The following TBC1D30 variants were observed in gnomAD, a reference collection of about 807,000 sequenced individuals.
The protein encoded by TBC1D30 is TBC1 domain family, member 30.
In TBC1D30, 31 loss-of-function variants were observed where a neutral mutation model predicts 63.2. The observed-to-expected ratio is 0.49, with a 90% CI of 0.37 to 0.66. The LOEUF (loss-of-function observed/expected upper bound fraction) is 0.66. TBC1D30 is among the 30% of genes least tolerant of loss of function. The pLI is 0.00. For synonymous variants in TBC1D30, 307 were observed against 361.5 expected (o/e 0.85, Z 1.71); for missense variants, 810 against 953.6 (o/e 0.85, Z 1.98).
rs1388280604 is a variant in TBC1D30 at position 64,870,747 on chromosome 12, G to A, written c.1437G>A (p.Arg479=). ...CCACAGATATCAATGCACTGAAGCGGCAGTACTCTCGAATTAAAAAGAAGC... is the reference window on the plus strand; with the variant it reads ...CCACAGATATCAATGCACTGAAGCGACAGTACTCTCGAATTAAAAAGAAGC... The part of the protein sequence containing the change: ...RMTTDINALK[R]QYSRIKKKQQ... The change falls in exon 11 of 12, where the codon CGG becomes CGA. Residue 479 remains arginine, a synonymous_variant. Transcript: ENST00000539867. The A allele has an allele frequency of 5.2e-6, 8 of 1,536,074 alleles. No homozygotes were observed. In the Admixed American group the frequency reaches 1.6e-4, roughly 30 times the overall value.
At chr12:64,843,833 C>T (rs1214618137) in intron 8 of TBC1D30, among the ~76,000 whole-genome samples, 1 of 152,146 alleles carries the variant, frequency 6.6e-6, no homozygotes, top group Non-Finnish European at 1.5e-5. Flanking sequence ...ATTCTGTCAC[C>T]CTGGCTGGAG....
At chr12:64,761,838 A>G (rs569944620) in intron 1 of TBC1D30, among the ~76,000 whole-genome samples, 60 of 152,232 alleles carry the variant, frequency 3.9e-4, no homozygotes, top group Middle Eastern at 6.8e-3. Context: ...TCTTGTCCTG[A>G]ATTCTTCCTT....
At chr12:64,804,146 T>C (rs1203485814) in intron 2 of TBC1D30, among the ~76,000 whole-genome samples, 1 of 152,238 alleles carries the variant, frequency 6.6e-6, no homozygotes, top group Non-Finnish European at 1.5e-5. Flanking sequence ...CTTCCATTTG[T>C]TTGTGTCCTC....
intron 3 of TBC1D30, 51 bp from the exon 4 acceptor site, chr12:64,830,326 G>A (rs1874734329): frequency 6.8e-7 from 1 of 1,468,512 alleles, no homozygotes; most frequent in Non-Finnish European, 9.1e-7. Flanking sequence ...TAATAAAGGT[G>A]AAGTTATATA....
At chr12:64,874,678 G>T (rs940083234) in intron 11 of TBC1D30, among the ~76,000 whole-genome samples, 1 of 151,958 alleles carries the variant, frequency 6.6e-6, no homozygotes, top group Non-Finnish European at 1.5e-5. Context: ...TAACTCAGAG[G>T]TTGCTACTCA....
In TBC1D30 at chr12:64,877,287, C is replaced by T. The variant is rs540372175; in HGVS notation, c.*1499C>T. 1.2e-3 allele frequency: 192 copies of T among 158,754 alleles called. No homozygotes were observed. The highest frequency in any genetic ancestry group is 4.0e-3 in the African/African-American group (165 of 41,756). The allele number at this position is 158,754 out of a possible 1,614,324, so 9.8% of individuals were successfully genotyped here. A position where few individuals can be genotyped will look rare whatever the true frequency, so the allele number is the denominator to read the frequency against. ...AGCCTTCATGTTTGTCTCTGGAAGA[C>T]GATTGGCGATACTTGCAGGAATATT... On this transcript the variant is annotated 3_prime_UTR_variant, in exon 12 of 12. Transcript: ENST00000539867.
At chr12:64,818,754 G>A (rs1468013446) in intron 2 of TBC1D30, 1 of 152,314 alleles carries the variant, frequency 6.6e-6, no homozygotes, top group African/African-American at 2.4e-5. Flanking sequence ...AACTCTTTGA[G>A]GGTAGCGTAT....
At chr12:64,814,165 G>A (rs1873385888) in intron 2 of TBC1D30, among the ~76,000 whole-genome samples, 1 of 152,114 alleles carries the variant, frequency 6.6e-6, no homozygotes. Flanking sequence ...TCGTGCCTCA[G>A]CCACCTGAGT....
intron 6 of TBC1D30, 95 bp from the exon 7 acceptor site, chr12:64,838,588 C>A (rs1875571184): frequency 1.6e-6 from 2 of 1,240,968 alleles, no homozygotes; most frequent in South Asian, 1.7e-5. Context: ...GGAAATACAA[C>A]AAATTTGAGT....
chr12:64,790,770 A>G (rs753036674), intron 2 of TBC1D30, among the ~76,000 whole-genome samples: 3 of 152,324 alleles, frequency 2.0e-5, no homozygotes, highest in South Asian at 2.1e-4. Context: ...TTCTTTTCAT[A>G]ATGAGTGTCT....
At chr12:64,780,605 T>C (rs529152067) in exon 1 of TBC1D30, among the ~76,000 whole-genome samples, 1 of 152,308 alleles carries the variant, frequency 6.6e-6, no homozygotes, top group South Asian at 2.1e-4. Context: ...CGTGGCAGTC[T>C]CCTTCTCGCC....
chr12:64,791,918 T>A (rs1475163948), intron 2 of TBC1D30, among the ~76,000 whole-genome samples: 2 of 152,150 alleles, frequency 1.3e-5, no homozygotes, highest in Non-Finnish European at 2.9e-5. Flanking sequence ...ATCCAGCTTT[T>A]AAAATAACTA....
At position 64,855,862 on chromosome 12, in the gene TBC1D30, C is replaced by G. The variant is rs113860728; in HGVS notation, c.1039-8806C>G. 9.9e-5 allele frequency among the ~76,000 whole-genome samples: 15 copies of G among 152,228 alleles called. 1 individual carries two copies. The highest frequency in any genetic ancestry group is 3.6e-4 in the African/African-American group (15 of 41,540). ...GATGGTGTTGATGCTTGTAGATGTT[C>G]TCTTGTGTCTGGACATTGAAGAGTT... On this transcript the variant is annotated intron_variant, in intron 8 of 11. Coordinates refer to ENST00000539867, the MANE Select transcript of TBC1D30 (RefSeq NM_015279.2).
At chr12:64,848,774 C>A (rs2136418890) in intron 8 of TBC1D30, among the ~76,000 whole-genome samples, 1 of 152,238 alleles carries the variant, frequency 6.6e-6, no homozygotes. Context: ...ATTTACAATC[C>A]TTTGGGTATA....
rs77901050 is a variant in TBC1D30, at chr12:64,876,868, C to T, written c.*1080C>T. On this transcript the variant is annotated 3_prime_UTR_variant, in exon 12 of 12. Transcript: ENST00000539867. ...ACCCAGCGGGTCAGGGATAGCACCT[C>T]TTGTCTCCACTATGCAGATGGGAAC... 3.8e-3 allele frequency: 1,743 copies of T among 456,084 alleles called. 34 individuals are homozygous for T. The highest frequency in any genetic ancestry group is 0.032 in the African/African-American group (1,590 of 50,186). The allele number at this position is 456,084 out of a possible 1,614,324, so 28.3% of individuals were successfully genotyped here.
At chr12:64,862,968 C>A (rs1236610905) in intron 8 of TBC1D30, among the ~76,000 whole-genome samples, 1 of 152,186 alleles carries the variant, frequency 6.6e-6, no homozygotes, top group South Asian at 2.1e-4. Flanking sequence ...TTTCACATCT[C>A]TTGCCTTCCC....
At position 64,824,917 on chromosome 12, in the gene TBC1D30, G is replaced by T. The variant is rs1240997510; in HGVS notation, c.38G>T (p.Gly13Val). ...AAGCTGACCGGGTCTCTGAGGCGCG[G>T]GGGGAGATGCCTGAAGCGGCAGGGC... is the stretch of plus-strand genomic sequence containing the variant. ...QDKLTGSLRR[G>V]GRCLKRQGGG... The change falls in exon 1 of 12, where the codon GGG becomes GTG. Residue 13 changes from glycine (G) to valine (V), a missense_variant. Physicochemically the swap from Gly to Val is moderately radical, Grantham distance 109. Around this residue, in one of 4 missense-constraint regions of TBC1D30, gnomAD observed 272 missense variants for 335.9 expected, o/e 0.81. Transcript: ENST00000539867. 2 of 1,534,580 alleles carry T rather than the reference G, an allele frequency of 1.3e-6. No individual in the cohort carries two copies. The highest frequency in any genetic ancestry group is 2.4e-5 in the East Asian group (1 of 40,880).
chr12:64,873,296 A>G (rs1878797246), intron 11 of TBC1D30, among the ~76,000 whole-genome samples: 2 of 152,158 alleles, frequency 1.3e-5, no homozygotes, highest in Admixed American at 6.5e-5. Flanking sequence ...GGTTAAAGAA[A>G]GTAATGAAGA....
Position 64,825,011 on chromosome 12 carries a change from G to A in TBC1D30, c.132G>A (p.Arg44=). The A allele has an allele frequency of 6.5e-7, 1 of 1,533,826 alleles. No individual in the cohort carries two copies. Among genetic ancestry groups the A allele is most frequent in the Non-Finnish European group, 8.7e-7 (1 of 1,146,338 alleles). The part of the protein sequence containing the change: ...KRSCISRTAP[R]LLCTLEPGVD... ...GCTGCATTTCCCGGACCGCGCCCCG[G>A]CTGCTGTGCACCCTGGAGCCGGGTG... is the stretch of plus-strand genomic sequence containing the variant. The change falls in exon 1 of 12, where the codon CGG becomes CGA. Residue 44 remains arginine, a synonymous_variant. Coordinates refer to ENST00000539867, the MANE Select transcript of TBC1D30 (RefSeq NM_015279.2).
Sources: gnomAD v4.1 joint callset for allele counts (sites outside exome capture counted in the v4.1 genomes callset) on GRCh38, gnomAD v4.1.1 for gene constraint, gnomAD v4.1.1 regional missense constraint, MANE v1.5 for transcripts, NCBI Gene and HGNC (gene_info 2026-07-23, HGNC 2026-07-21) for gene names.